EYS: variants seen among roughly 807,000 people sequenced by gnomAD.
EYS encodes the protein protein eyes shut homolog.
In EYS, 250 loss-of-function variants were observed where a neutral mutation model predicts 282.1. The observed-to-expected ratio is 0.89, with a 90% CI of 0.80 to 0.98. The LOEUF is 0.98. Ranked by LOEUF, EYS falls within the 50% of genes least tolerant of loss-of-function variation. The pLI is 0.00. For missense variants in EYS, 4,016 were observed against 3,709.0 expected, an observed-to-expected ratio of 1.08 and a Z score of -2.15; for synonymous variants, 1,355 against 1,282.9, an observed-to-expected ratio of 1.06 and a Z score of -1.20.
intron 37 of EYS, among the ~76,000 whole-genome samples, chr6:63,805,284 G>A (rs1770876702): frequency 1.3e-5 from 2 of 152,166 alleles, no homozygotes; most frequent in Non-Finnish European, 2.9e-5. Flanking sequence ...TGCATAACTA[G>A]TTTCTACTTA....
intron 22 of EYS, among the ~76,000 whole-genome samples, chr6:64,711,379 G>A (rs1771207267): frequency 6.6e-6 from 1 of 152,252 alleles, no homozygotes; most frequent in African/African-American, 2.4e-5. Flanking sequence ...ACAATAGTGT[G>A]TACAGGGTTG....
intron 33 of EYS, among the ~76,000 whole-genome samples, chr6:64,000,247 A>AGT (rs1464335291): frequency 1.7e-5 from 2 of 120,118 alleles, no homozygotes; most frequent in Admixed American, 2.4e-4. Context: ...GCTGGAGTGC[A>AGT]GTGGCGCGAT....
chr6:65,693,170 C>A (rs1039926129), intron 1 of EYS, among the ~76,000 whole-genome samples: 1 of 149,372 alleles, frequency 6.7e-6, no homozygotes, highest in Non-Finnish European at 1.5e-5. Flanking sequence ...ATTTTCCTTC[C>A]TTCTCTTTCT....
At chr6:65,639,265 A>C (rs2149812604) in intron 2 of EYS, among the ~76,000 whole-genome samples, 1 of 152,312 alleles carries the variant, frequency 6.6e-6, no homozygotes, top group African/African-American at 2.4e-5. Context: ...AGAGAAAGGA[A>C]GAGAATAGAA....
intron 12 of EYS, among the ~76,000 whole-genome samples, chr6:65,275,403 C>T (rs1470844694): frequency 6.6e-6 from 1 of 152,190 alleles, no homozygotes; most frequent in African/African-American, 2.4e-5. Flanking sequence ...ACTTCATCAT[C>T]AAATGGAAAT....
chr6:64,919,124 G>C (rs914773847), intron 15 of EYS, among the ~76,000 whole-genome samples: 1 of 152,070 alleles, frequency 6.6e-6, no homozygotes, highest in African/African-American at 2.4e-5. Context: ...CATGTGGTCG[G>C]ATAGACAGTA....
rs1774574139 is a variant in EYS at position 64,431,519 on chromosome 6, C to T, written c.5927+4655G>A. 2.6e-5 allele frequency among the ~76,000 whole-genome samples: 4 copies of T among 152,190 alleles called. No homozygotes were observed. In the South Asian group the frequency reaches 6.2e-4, roughly 24 times the overall value. On this transcript the variant is annotated intron_variant, in intron 28 of 42. Coordinates refer to ENST00000503581, the MANE Select transcript of EYS (RefSeq NM_001142800.2). ...GACCAGCGCAGAAAGAAAAGGGAAA[C>T]GAGCTGTAGAGCGGATCTGGAGAAG...
At chr6:64,786,456 C>A (rs1774024034) in intron 22 of EYS, among the ~76,000 whole-genome samples, 1 of 152,046 alleles carries the variant, frequency 6.6e-6, no homozygotes, top group South Asian at 2.1e-4. Flanking sequence ...GCTCTCCCAC[C>A]CTAGTCTTTT....
intron 22 of EYS, among the ~76,000 whole-genome samples, chr6:64,681,669 G>A (rs1459930675): frequency 1.3e-5 from 2 of 152,102 alleles, no homozygotes; most frequent in Non-Finnish European, 2.9e-5. Context: ...TGAGGCGGGC[G>A]CATCACAAGG....
At chr6:65,152,130 A>T (rs548809958) in intron 12 of EYS, among the ~76,000 whole-genome samples, 4 of 152,126 alleles carry the variant, frequency 2.6e-5, no homozygotes, top group Non-Finnish European at 5.9e-5. Context: ...CCATTGCCTC[A>T]TGTCACCATC....
chr6:65,642,095 T>G (rs1359639725), intron 1 of EYS, among the ~76,000 whole-genome samples: 2 of 152,008 alleles, frequency 1.3e-5, no homozygotes, highest in African/African-American at 4.8e-5. Flanking sequence ...CCTCGAGGAG[T>G]TCTGAGTATC....
chr6:63,733,888 C>T (rs1768842218), intron 41 of EYS, among the ~76,000 whole-genome samples: 1 of 152,042 alleles, frequency 6.6e-6, no homozygotes, highest in Middle Eastern at 3.2e-3. Context: ...GCTTCTTGCT[C>T]CAAAGGAAGA....
intron 31 of EYS, among the ~76,000 whole-genome samples, chr6:64,143,846 T>C (rs1162395379): frequency 1.3e-5 from 2 of 152,236 alleles, no homozygotes; most frequent in Non-Finnish European, 2.9e-5. Context: ...ACTGCCATCC[T>C]TTGGAGAACA....
At chr6:65,324,416 G>A (rs1351905091) in intron 11 of EYS, among the ~76,000 whole-genome samples, 1 of 152,098 alleles carries the variant, frequency 6.6e-6, no homozygotes, top group Non-Finnish European at 1.5e-5. Flanking sequence ...CCTAAGTCCA[G>A]GCTATTTCCT....
rs193263261 is a variant in EYS at position 63,913,250 on chromosome 6, G to A, written c.7056-48892C>T. 5.9e-5 allele frequency among the ~76,000 whole-genome samples: 9 copies of A among 152,270 alleles called. No individual in the cohort carries two copies. In the East Asian group the frequency reaches 7.7e-4, roughly 13 times the overall value. On this transcript the variant is annotated intron_variant, in intron 35 of 42. Transcript: ENST00000503581. Reference sequence around the variant, plus strand: ...TCATATTTCCTTTCCCCATCCATAAGATTACTCCAGGCACTTGGATGTAGG... The same window carrying A: ...TCATATTTCCTTTCCCCATCCATAAAATTACTCCAGGCACTTGGATGTAGG...
rs1173014436 is a variant in EYS, at chr6:64,766,631, C to CA, written c.3443+46746dup. 2.3e-3 allele frequency among the ~76,000 whole-genome samples: 34 copies of CA among 14,838 alleles called. 1 individual carries two copies. Among genetic ancestry groups the CA allele is most frequent in the East Asian group, 5.6e-3 (6 of 1,074 alleles). 9.7% of individuals were successfully genotyped at this position (14,838 alleles called of 152,430 possible). Reference sequence around the variant, plus strand: ...TGGGTGACGGAGTGAAACTCCGTCTCAAAAAAAAAAAAAAAAAAATATATA... The same window carrying CA: ...TGGGTGACGGAGTGAAACTCCGTCTCAAAAAAAAAAAAAAAAAAAATATATA... On this transcript the variant is annotated intron_variant, in intron 22 of 42. Coordinates refer to ENST00000503581, the MANE Select transcript of EYS (RefSeq NM_001142800.2).
intron 5 of EYS, among the ~76,000 whole-genome samples, chr6:65,442,799 C>G (rs373027054): frequency 0.014 from 1,439 of 103,820 alleles, 263 homozygotes; most frequent in East Asian, 0.026. Context: ...AATATATAGA[C>G]ACACACACAT....
intron 12 of EYS, among the ~76,000 whole-genome samples, chr6:65,078,129 A>G (rs1774112773): frequency 6.6e-6 from 1 of 152,072 alleles, no homozygotes; most frequent in African/African-American, 2.4e-5. Flanking sequence ...GTGTTATTGT[A>G]AGATGATTGC....
rs139992886 is a variant in EYS, at chr6:64,807,151, GAAATA to G, written c.3443+6222_3443+6226del. On this transcript the variant is annotated intron_variant, in intron 22 of 42. Coordinates refer to ENST00000503581, the MANE Select transcript of EYS (RefSeq NM_001142800.2). ...TTAATGTCTTTAAACTTTGCATCAG[GAAATA>G]AAATACAAAATAGATGTCTAACTGC... Among the ~76,000 whole-genome samples, 861 of 152,082 alleles carry G rather than the reference GAAATA, an allele frequency of 5.7e-3. 12 individuals are homozygous for G. The highest frequency in any genetic ancestry group is 0.02 in the African/African-American group (836 of 41,522).
Sources: gnomAD v4.1 joint callset for allele counts (sites outside exome capture counted in the v4.1 genomes callset) on GRCh38, gnomAD v4.1.1 for gene constraint, MANE v1.5 for transcripts, NCBI Gene and HGNC (gene_info 2026-07-23, HGNC 2026-07-21) for gene names.